The following SHCBP1L variants were observed in gnomAD, a reference collection of about 807,000 sequenced individuals.
SHCBP1L encodes the protein testicular spindle-associated protein SHCBP1L.
In SHCBP1L, 67 loss-of-function variants were observed where a neutral mutation model predicts 62.5. The ratio of observed to expected loss-of-function variants is 1.07; its 90% CI spans 0.88 to 1.31. The LOEUF is 1.31. Ranked by LOEUF, SHCBP1L falls within the 40% of genes most tolerant of loss-of-function variation. The probability of loss-of-function intolerance (pLI) is 0.00; values close to 1 mark genes in which losing one functional copy is unlikely to be tolerated. For missense variants in SHCBP1L, 823 were observed against 809.8 expected (o/e 1.02, Z -0.20); for synonymous variants, 284 against 289.4 (o/e 0.98, Z 0.19).
chr1:182,946,534 T>TACCAGC (rs1651570307), intron 2 of SHCBP1L, among the ~76,000 whole-genome samples: 1 of 152,170 alleles, frequency 6.6e-6, no homozygotes. Context: ...CAACATTCAG[T>TACCAGC]ACCAGCAAAT....
At chr1:182,923,322 A>G (rs1650579492) in intron 6 of SHCBP1L, among the ~76,000 whole-genome samples, 1 of 152,172 alleles carries the variant, frequency 6.6e-6, no homozygotes, top group African/African-American at 2.4e-5. Context: ...GTTGCTACCA[A>G]TCCTGCTGAA....
intron 6 of SHCBP1L, among the ~76,000 whole-genome samples, chr1:182,907,583 G>A (rs183013139): frequency 0.033 from 4,898 of 147,406 alleles, 114 homozygotes; most frequent in Non-Finnish European, 0.053. Flanking sequence ...TATTATTATT[G>A]TTATTATTAT....
chr1:182,904,106 T>C, intron 8 of SHCBP1L, 74 bp downstream of exon 8: 2 of 1,518,738 alleles, frequency 1.3e-6, no homozygotes, highest in Non-Finnish European at 1.8e-6. Flanking sequence ...TGCTACCCTT[T>C]ATTTGTATAT....
At chr1:182,941,672 A>G (rs1651369885) in intron 2 of SHCBP1L, among the ~76,000 whole-genome samples, 1 of 152,236 alleles carries the variant, frequency 6.6e-6, no homozygotes, top group Non-Finnish European at 1.5e-5. Flanking sequence ...AGCCATGATC[A>G]AAGAGTGGTT....
chr1:182,900,677 C>T (rs976913335), intron 9 of SHCBP1L, among the ~76,000 whole-genome samples: 3 of 152,166 alleles, frequency 2.0e-5, no homozygotes, highest in Admixed American at 6.5e-5. Flanking sequence ...GTGATCCACC[C>T]GCCTTGGCTT....
At chr1:182,951,587 A>G in intron 1 of SHCBP1L, 120 bp from the exon 2 acceptor site, 2 of 621,766 alleles carry the variant, frequency 3.2e-6, no homozygotes, top group Non-Finnish European at 4.9e-6. Context: ...GCCTTAAATA[A>G]TGAATGACCT....
chr1:182,919,497 G>T (rs1005061009), intron 6 of SHCBP1L, among the ~76,000 whole-genome samples: 1 of 152,134 alleles, frequency 6.6e-6, no homozygotes, highest in Non-Finnish European at 1.5e-5. Flanking sequence ...ACTCTGTTGT[G>T]TTGAGGATTA....
chr1:182,942,217 C>A, intron 2 of SHCBP1L: 2 of 1,359,470 alleles, frequency 1.5e-6, no homozygotes, highest in Non-Finnish European at 1.1e-6. Context: ...CCACTTCGGC[C>A]TGTTTTCCCT....
At chr1:182,930,623 T>G (rs1473637758) in intron 5 of SHCBP1L, among the ~76,000 whole-genome samples, 1 of 129,878 alleles carries the variant, frequency 7.7e-6, no homozygotes, top group Non-Finnish European at 1.6e-5. Flanking sequence ...ATATATTTTT[T>G]ATTAAAGACA....
chr1:182,948,700 G>A (rs563003134), intron 2 of SHCBP1L, among the ~76,000 whole-genome samples: 1 of 152,296 alleles, frequency 6.6e-6, no homozygotes, highest in African/African-American at 2.4e-5. Flanking sequence ...TGTTGTGGCA[G>A]CAATAGAAAA....
At chr1:182,911,424 T>C (rs1650184791) in intron 6 of SHCBP1L, among the ~76,000 whole-genome samples, 1 of 152,060 alleles carries the variant, frequency 6.6e-6, no homozygotes, top group African/African-American at 2.4e-5. Flanking sequence ...ATATCTAAAA[T>C]GTCCAGCTTT....
At chr1:182,936,693 A>G (rs1651187005) in intron 5 of SHCBP1L, among the ~76,000 whole-genome samples, 1 of 152,060 alleles carries the variant, frequency 6.6e-6, no homozygotes. Flanking sequence ...CATGAGCTTT[A>G]ATTACCTAAT....
In SHCBP1L at chr1:182,940,522, C is replaced by G. The variant is rs1191277587; in HGVS notation, c.577G>C (p.Asp193His). Residue 193 changes from aspartate to histidine, a missense_variant, in exon 3 of 10, where the codon GAC becomes CAC. Physicochemically the swap from Asp to His is moderately conservative, Grantham distance 81. Coordinates refer to ENST00000367547, the MANE Select transcript of SHCBP1L (RefSeq NM_030933.4). Reference protein sequence around the residue: ...LVEVTCEPYQDSSSRFKVTVS... With the variant: ...LVEVTCEPYQHSSSRFKVTVS... Reference sequence around the variant, plus strand: ...GTAACTTTGAAACGAGATGATGAGTCTTGGTATGGTTCACAAGTTACCTAA... The same window carrying G: ...GTAACTTTGAAACGAGATGATGAGTGTTGGTATGGTTCACAAGTTACCTAA... 5 of 1,613,662 alleles carry G rather than the reference C, an allele frequency of 3.1e-6. No homozygotes were observed. Among genetic ancestry groups the G allele is most frequent in the Non-Finnish European group, 4.2e-6 (5 of 1,179,876 alleles).
At chr1:182,952,184 AAAAAAAAATATATATATATATATATAT>A (rs1651779980) in intron 1 of SHCBP1L, among the ~76,000 whole-genome samples, 1 of 39,856 alleles carries the variant, frequency 2.5e-5, no homozygotes, top group African/African-American at 1.1e-4. Context: ...AAAAAAAAAA[AAAAAAAAATATATATATATATATATAT>A]ATATATATAT....
At chr1:182,942,536 C>T (rs1413473550) in intron 2 of SHCBP1L, 1 of 546,848 alleles carries the variant, frequency 1.8e-6, no homozygotes, top group African/African-American at 1.9e-5. Flanking sequence ...GAGTAAAATT[C>T]TTAAGTTGAT....
At chr1:182,950,327 C>A (rs1651705040) in intron 2 of SHCBP1L, among the ~76,000 whole-genome samples, 1 of 152,050 alleles carries the variant, frequency 6.6e-6, no homozygotes, top group South Asian at 2.1e-4. Flanking sequence ...ACAGGCCTAA[C>A]AAAGAAAAAT....
In SHCBP1L at chr1:182,905,465, T is replaced by A. The variant is rs760359890; in HGVS notation, c.1336+31A>T. 4 of 1,602,616 alleles carry A rather than the reference T, an allele frequency of 2.5e-6. No individual in the cohort carries two copies. In the South Asian group the frequency reaches 4.5e-5, roughly 18 times the overall value. ...ACAATTTGTCCAGTATACATTGCTG[T>A]AAAAAAAACTACAAAGGATGCCCTG... On this transcript the variant is annotated intron_variant, in intron 7 of 9. Transcript: ENST00000367547.
At chr1:182,921,992 A>G (rs1557995582) in intron 6 of SHCBP1L, among the ~76,000 whole-genome samples, 1 of 152,246 alleles carries the variant, frequency 6.6e-6, no homozygotes, top group African/African-American at 2.4e-5. Flanking sequence ...AGCAGGGGTT[A>G]CTATTTTAAT....
At chr1:182,938,448 A>AAAAC (rs750423900) in intron 5 of SHCBP1L, among the ~76,000 whole-genome samples, 27 of 149,930 alleles carry the variant, frequency 1.8e-4, no homozygotes, top group Non-Finnish European at 3.9e-4. Flanking sequence ...CAGGGTCAAA[A>AAAAC]AAACAAACAA....
Sources: allele counts gnomAD v4.1 joint callset (sites outside exome capture counted in the v4.1 genomes callset), GRCh38; gene constraint gnomAD v4.1.1; transcripts MANE v1.5; gene names NCBI Gene and HGNC (gene_info 2026-07-23, HGNC 2026-07-21).